DPF3: variants seen among roughly 807,000 people sequenced by gnomAD.
The protein encoded by DPF3 is double PHD fingers 3, also known as zinc finger protein DPF3.
A neutral mutation model predicts 56.8 loss-of-function variants in DPF3; 18 were observed. That is an observed-to-expected ratio of 0.32 (90% CI 0.22 to 0.47). The LOEUF is 0.47. DPF3 is among the 20% of genes least tolerant of loss of function. The probability of loss-of-function intolerance (pLI) is 1.00; values close to 1 mark genes in which losing one functional copy is unlikely to be tolerated. For missense variants in DPF3, 403 were observed against 488.8 expected (o/e 0.82, Z 1.65); for synonymous variants, 188 against 180.2 (o/e 1.04, Z -0.35).
chr14:72,698,491 C>T (rs1888008858), intron 6 of DPF3, among the ~76,000 whole-genome samples: 1 of 152,042 alleles, frequency 6.6e-6, no homozygotes, highest in South Asian at 2.1e-4. Context: ...CCAGCCTAGG[C>T]AACATGGTCT....
At chr14:72,851,479 ATTGAGATGAAAATGCT>A (rs1216719659) in intron 1 of DPF3, among the ~76,000 whole-genome samples, 2 of 152,304 alleles carry the variant, frequency 1.3e-5, no homozygotes, top group East Asian at 3.9e-4. Context: ...CAAAGAATTC[ATTGAGATGAAAATGCT>A]TATCATGAAG....
At chr14:72,887,935 A>G in intron 1 of DPF3, among the ~76,000 whole-genome samples, 1 of 152,224 alleles carries the variant, frequency 6.6e-6, no homozygotes, top group East Asian at 1.9e-4. Context: ...AGTGCAGATC[A>G]TTCAAACAGC....
chr14:72,869,652 T>C (rs1885816071), intron 1 of DPF3, among the ~76,000 whole-genome samples: 1 of 151,952 alleles, frequency 6.6e-6, no homozygotes, highest in Admixed American at 6.6e-5. Flanking sequence ...AATGAGAAGG[T>C]GGCTTACCTC....
intron 5 of DPF3, among the ~76,000 whole-genome samples, chr14:72,723,016 T>G (rs1256049711): frequency 6.6e-6 from 1 of 151,576 alleles, no homozygotes; most frequent in Non-Finnish European, 1.5e-5. Context: ...TTTTTTTTTT[T>G]ATAGTCATGA....
intron 7 of DPF3, among the ~76,000 whole-genome samples, chr14:72,679,805 G>T (rs1394629418): frequency 6.6e-6 from 1 of 152,268 alleles, no homozygotes; most frequent in East Asian, 1.9e-4. Context: ...AAGGAAAGGG[G>T]AGAGGAAAGG....
intron 1 of DPF3, among the ~76,000 whole-genome samples, chr14:72,839,601 G>A (rs752141392): frequency 1.3e-5 from 2 of 152,172 alleles, no homozygotes; most frequent in Non-Finnish European, 1.5e-5. Flanking sequence ...TCACAAGCCC[G>A]TCTGCCTTTC....
At chr14:72,655,773 A>T (rs1258624346) in intron 8 of DPF3, among the ~76,000 whole-genome samples, 2 of 152,242 alleles carry the variant, frequency 1.3e-5, no homozygotes, top group Non-Finnish European at 2.9e-5. Context: ...CATATCCGTG[A>T]AACTAATCTT....
intron 1 of DPF3, among the ~76,000 whole-genome samples, chr14:72,861,743 GAAAGAAAGAAAGAAAGAAAGAA>G (rs1318969294): frequency 9.6e-5 from 11 of 114,108 alleles, no homozygotes; most frequent in African/African-American, 3.9e-4. Flanking sequence ...GAAAGAGAAA[GAAAGAAAGAAAGAAAGAAAGAA>G]AGAAAGAAAG....
At chr14:72,621,095 C>T (rs1487019340) in intron 9 of DPF3, among the ~76,000 whole-genome samples, 3 of 150,142 alleles carry the variant, frequency 2.0e-5, no homozygotes, top group African/African-American at 4.9e-5. Flanking sequence ...GAGCCAAGAT[C>T]GCACCACTGC....
intron 1 of DPF3, among the ~76,000 whole-genome samples, chr14:72,780,365 C>T (rs1484499100): frequency 6.6e-6 from 1 of 152,200 alleles, no homozygotes; most frequent in Non-Finnish European, 1.5e-5. Context: ...CTTATCTCTG[C>T]TCACTTAATT....
At chr14:72,878,219 GC>G in intron 1 of DPF3, among the ~76,000 whole-genome samples, 1 of 152,182 alleles carries the variant, frequency 6.6e-6, no homozygotes, top group Middle Eastern at 3.4e-3. Flanking sequence ...CTTCCAAAAA[GC>G]CCCCAACACA....
intron 1 of DPF3, among the ~76,000 whole-genome samples, chr14:72,801,183 C>T (rs1232552687): frequency 6.6e-6 from 1 of 152,164 alleles, no homozygotes; most frequent in Non-Finnish European, 1.5e-5. Flanking sequence ...GGCAGGCAGC[C>T]ACAGAAACAG....
intron 1 of DPF3, among the ~76,000 whole-genome samples, chr14:72,825,392 A>G (rs1406351791): frequency 6.6e-6 from 1 of 152,254 alleles, no homozygotes; most frequent in Non-Finnish European, 1.5e-5. Context: ...TCCTGCATCC[A>G]TTCATTCATT....
At chr14:72,866,261 C>T (rs558648448) in intron 1 of DPF3, among the ~76,000 whole-genome samples, 2 of 151,364 alleles carry the variant, frequency 1.3e-5, no homozygotes, top group South Asian at 4.2e-4. Context: ...CCTGCCACAG[C>T]CTCCACGCAC....
rs369823716 is a variant in DPF3 at position 72,753,327 on chromosome 14, G to A, written c.238C>T (p.Arg80Cys). The change falls in exon 3 of 11, where the codon CGC becomes TGC. Residue 80 changes from arginine to cysteine, a missense_variant. Transcript: ENST00000556509. ...QLYTYPARCW[R>C]KKRRLHPPED... ...GGTGGGTGCAATCGTCTCTTCTTGC[G>A]CCAGCAGCGGGCAGGGTATGTATAC... The A allele has an allele frequency of 4.9e-5, 79 of 1,613,322 alleles. No individual in the cohort carries two copies. The highest frequency in any genetic ancestry group is 6.1e-5 in the Non-Finnish European group (72 of 1,179,818).
chr14:72,639,559 T>A (rs1885481453), intron 8 of DPF3, among the ~76,000 whole-genome samples: 1 of 152,246 alleles, frequency 6.6e-6, no homozygotes, highest in African/African-American at 2.4e-5. Context: ...TATTGTGAGA[T>A]GCCCTACAGA....
intron 5 of DPF3, among the ~76,000 whole-genome samples, chr14:72,719,060 G>A (rs376720670): frequency 4.1e-4 from 58 of 141,566 alleles, no homozygotes; most frequent in African/African-American, 1.4e-3. Context: ...GTGAGCCACC[G>A]TGCCAGGCCT....
chr14:72,663,262 T>C (rs1886302588), intron 8 of DPF3, among the ~76,000 whole-genome samples: 1 of 151,842 alleles, frequency 6.6e-6, no homozygotes, highest in Admixed American at 6.6e-5. Flanking sequence ...TATGATGTCA[T>C]CTCTCTCCCT....
At chr14:72,824,401 T>TC (rs577656303) in intron 1 of DPF3, among the ~76,000 whole-genome samples, 182 of 152,054 alleles carry the variant, frequency 1.2e-3, no homozygotes, top group Non-Finnish European at 1.9e-3. Flanking sequence ...GTATCTCCTT[T>TC]CCCCCCTTCT....
Sources: allele counts gnomAD v4.1 joint callset (sites outside exome capture counted in the v4.1 genomes callset), GRCh38; gene constraint gnomAD v4.1.1; transcripts MANE v1.5; gene names NCBI Gene and HGNC (gene_info 2026-07-23, HGNC 2026-07-21).